RCAN2: variants seen among roughly 807,000 people sequenced by gnomAD.
RCAN2 encodes the protein regulator of calcineurin 2.
Under a neutral mutation model 23.6 loss-of-function variants are expected in RCAN2, and 9 were observed. That is an observed-to-expected ratio of 0.38 (90% CI 0.23 to 0.67). RCAN2 has a LOEUF of 0.67. Among genes scored for constraint, RCAN2 ranks in the 30% least tolerant of loss-of-function variants. The pLI is 0.51. For synonymous variants in RCAN2, 109 were observed against 115.7 expected (o/e 0.94, Z 0.37); for missense variants, 273 against 302.3 (o/e 0.90, Z 0.72).
chr6:46,356,796 A>C lies in RCAN2; in HGVS notation c.225+99956T>G, dbSNP rs185835103. Among the ~76,000 whole-genome samples the C allele has an allele frequency of 3.9e-5, 6 of 152,312 alleles. No homozygotes were observed. In the East Asian group the frequency reaches 1.2e-3, roughly 29 times the overall value. On this transcript the variant is annotated intron_variant, in intron 2 of 4. Transcript: ENST00000371374. ...GTATGCAATGAACACTTACGGAGGA[A>C]CACAGATATTGCTTCTTCAGATCAG...
At chr6:46,490,489 G>A (rs1036033510) in intron 1 of RCAN2, among the ~76,000 whole-genome samples, 2 of 152,228 alleles carry the variant, frequency 1.3e-5, no homozygotes, top group African/African-American at 4.8e-5. Context: ...GGAAACCAGC[G>A]AGACCTGGAG....
chr6:46,480,894 TTACAGGCGTGAGCCACTGC>T (rs1768841244), intron 1 of RCAN2, among the ~76,000 whole-genome samples: 1 of 152,226 alleles, frequency 6.6e-6, no homozygotes, highest in Non-Finnish European at 1.5e-5. Context: ...AGTGCTGGGA[TTACAGGCGTGAGCCACTGC>T]GCCCGGCCAC....
chr6:46,345,108 CAGT>C (rs1204250567), intron 2 of RCAN2, among the ~76,000 whole-genome samples: 24 of 151,776 alleles, frequency 1.6e-4, no homozygotes, highest in Admixed American at 3.3e-4. Context: ...GCATAAGAAA[CAGT>C]AGGTCTACAT....
intron 2 of RCAN2, among the ~76,000 whole-genome samples, chr6:46,258,307 C>T (rs1027507349): frequency 2.6e-5 from 4 of 152,206 alleles, no homozygotes; most frequent in African/African-American, 9.6e-5. Flanking sequence ...AACTGGCGTG[C>T]ATGTGAGAGT....
intron 2 of RCAN2, among the ~76,000 whole-genome samples, chr6:46,441,106 G>T (rs1026544716): frequency 6.6e-6 from 1 of 152,100 alleles, no homozygotes; most frequent in Admixed American, 6.5e-5. Context: ...GATCTGGGTC[G>T]CAGGGAGGGG....
intron 4 of RCAN2, among the ~76,000 whole-genome samples, chr6:46,242,550 T>C: frequency 6.6e-6 from 1 of 152,206 alleles, no homozygotes; most frequent in Non-Finnish European, 1.5e-5. Flanking sequence ...ATCATTCCTC[T>C]AATGCAAAAC....
At chr6:46,277,681 A>C (rs1405379576) in intron 2 of RCAN2, among the ~76,000 whole-genome samples, 1 of 151,862 alleles carries the variant, frequency 6.6e-6, no homozygotes, top group African/African-American at 2.4e-5. Flanking sequence ...TTCACCACCT[A>C]AATATTTTTT....
chr6:46,280,972 T>C (rs1379784490), intron 2 of RCAN2, among the ~76,000 whole-genome samples: 1 of 152,128 alleles, frequency 6.6e-6, no homozygotes, highest in African/African-American at 2.4e-5. Context: ...ATGTTAAAAA[T>C]ATTATCAATC....
chr6:46,338,420 G>C (rs1198919654), intron 2 of RCAN2, among the ~76,000 whole-genome samples: 1 of 152,150 alleles, frequency 6.6e-6, no homozygotes, highest in Non-Finnish European at 1.5e-5. Context: ...GGTCAAGCCC[G>C]AGTCACACAC....
intron 2 of RCAN2, among the ~76,000 whole-genome samples, chr6:46,367,022 GAT>G (rs60245042): frequency 0.21 from 12,362 of 59,524 alleles, 2,104 homozygotes; most frequent in East Asian, 0.46. Flanking sequence ...ATCTGGGATG[GAT>G]ATATATATAT....
intron 2 of RCAN2, among the ~76,000 whole-genome samples, chr6:46,309,010 A>G (rs1040204763): frequency 6.6e-6 from 1 of 152,166 alleles, no homozygotes; most frequent in African/African-American, 2.4e-5. Flanking sequence ...GGAGGTCAAT[A>G]TAACAGGAAG....
intron 2 of RCAN2, among the ~76,000 whole-genome samples, chr6:46,369,743 C>T (rs567946894): frequency 6.6e-6 from 1 of 152,236 alleles, no homozygotes; most frequent in Admixed American, 6.5e-5. Flanking sequence ...GAAATGAAAC[C>T]CAGCTCTTAG....
At chr6:46,466,830 A>C (rs959301902) in intron 1 of RCAN2, among the ~76,000 whole-genome samples, 1 of 152,180 alleles carries the variant, frequency 6.6e-6, no homozygotes, top group Non-Finnish European at 1.5e-5. Context: ...AGCGACAATC[A>C]TTGAGTGCTT....
chr6:46,305,676 G>C (rs902974657), intron 2 of RCAN2, among the ~76,000 whole-genome samples: 3 of 151,952 alleles, frequency 2.0e-5, no homozygotes, highest in Admixed American at 6.6e-5. Flanking sequence ...AGCTACATGG[G>C]AAATTTATTC....
chr6:46,363,229 G>A (rs540885113), intron 2 of RCAN2, among the ~76,000 whole-genome samples: 1 of 152,072 alleles, frequency 6.6e-6, no homozygotes, highest in East Asian at 1.9e-4. Context: ...TGTCTGATTG[G>A]GCTGTTTCAT....
chr6:46,307,757 G>A (rs906480030), intron 2 of RCAN2, among the ~76,000 whole-genome samples: 2 of 152,038 alleles, frequency 1.3e-5, no homozygotes, highest in African/African-American at 4.8e-5. Context: ...GGAGAATGAA[G>A]AACACTGAAG....
intron 2 of RCAN2, among the ~76,000 whole-genome samples, chr6:46,364,763 C>A (rs1237357914): frequency 1.3e-5 from 2 of 152,184 alleles, no homozygotes; most frequent in Non-Finnish European, 2.9e-5. Flanking sequence ...AAACTGCTAA[C>A]CTTCAGAGGA....
chr6:46,375,691 T>C (rs1765439357), intron 2 of RCAN2, among the ~76,000 whole-genome samples: 1 of 152,240 alleles, frequency 6.6e-6, no homozygotes, highest in Non-Finnish European at 1.5e-5. Flanking sequence ...TTTTAGGCTT[T>C]GTAGGCCATA....
chr6:46,267,869 A>G (rs1767391522), intron 2 of RCAN2, among the ~76,000 whole-genome samples: 1 of 152,144 alleles, frequency 6.6e-6, no homozygotes, highest in South Asian at 2.1e-4. Flanking sequence ...ATGTTATAAT[A>G]CCGATATCTA....
Sources: allele counts gnomAD v4.1 joint callset (sites outside exome capture counted in the v4.1 genomes callset), GRCh38; gene constraint gnomAD v4.1.1; transcripts MANE v1.5; gene names NCBI Gene and HGNC (gene_info 2026-07-23, HGNC 2026-07-21).